The following RARB variants were observed in gnomAD, a reference collection of about 807,000 sequenced individuals.
RARB encodes HBV-activated protein.
Under a neutral mutation model 51.9 loss-of-function variants are expected in RARB, and 17 were observed. The observed-to-expected ratio is 0.33, with a 90% CI of 0.22 to 0.49. RARB has a LOEUF of 0.49. Among genes scored for constraint, RARB ranks in the 20% least tolerant of loss-of-function variants. The probability of loss-of-function intolerance (pLI) is 0.99; values close to 1 mark genes in which losing one functional copy is unlikely to be tolerated. For synonymous variants in RARB, 215 were observed against 195.4 expected, an observed-to-expected ratio of 1.10 and a Z score of -0.84; for missense variants, 369 against 550.8, an observed-to-expected ratio of 0.67 and a Z score of 3.30.
At chr3:25,482,561 A>T in intron 2 of RARB, among the ~76,000 whole-genome samples, 1 of 76,264 alleles carries the variant, frequency 1.3e-5, no homozygotes, top group Non-Finnish European at 2.0e-5. Context: ...TTTTTTTGAG[A>T]CGGAGTCTCT....
chr3:25,199,040 C>G (rs978179561), intron 5 of RARB, among the ~76,000 whole-genome samples: 1 of 152,014 alleles, frequency 6.6e-6, no homozygotes, highest in African/African-American at 2.4e-5. Flanking sequence ...TGGTGGCGAC[C>G]TAAGTGTCCA....
At chr3:25,306,687 T>C (rs1007605315) in intron 5 of RARB, among the ~76,000 whole-genome samples, 1 of 152,192 alleles carries the variant, frequency 6.6e-6, no homozygotes, top group Non-Finnish European at 1.5e-5. Flanking sequence ...GAAGTTCGCA[T>C]GTCATTTACT....
chr3:25,299,813 A>T (rs1366428372), intron 5 of RARB, among the ~76,000 whole-genome samples: 2 of 152,216 alleles, frequency 1.3e-5, no homozygotes, highest in African/African-American at 4.8e-5. Context: ...GAAGTTAAAG[A>T]CTAGAAAATA....
intron 2 of RARB, among the ~76,000 whole-genome samples, chr3:24,916,262 G>C (rs1559394924): frequency 6.6e-6 from 1 of 152,092 alleles, no homozygotes; most frequent in East Asian, 1.9e-4. Flanking sequence ...GGTACAAAAA[G>C]AGAAAGAAAG....
intron 5 of RARB, among the ~76,000 whole-genome samples, chr3:25,185,500 C>A (rs983819196): frequency 1.3e-5 from 2 of 151,996 alleles, no homozygotes; most frequent in African/African-American, 4.8e-5. Flanking sequence ...GTGAAATTGG[C>A]CAACCAAAAA....
chr3:24,906,237 A>G (rs1219862730), intron 2 of RARB, among the ~76,000 whole-genome samples: 1 of 152,156 alleles, frequency 6.6e-6, no homozygotes, highest in Non-Finnish European at 1.5e-5. Context: ...TTGGGAGAGT[A>G]TATGAGGTTT....
chr3:25,008,267 C>A (rs1575116453), intron 2 of RARB, among the ~76,000 whole-genome samples: 1 of 152,114 alleles, frequency 6.6e-6, no homozygotes, highest in Admixed American at 6.5e-5. Context: ...CTGCTACTCT[C>A]TATAATTTTT....
At chr3:24,906,873 A>C (rs1431818271) in intron 2 of RARB, among the ~76,000 whole-genome samples, 3 of 151,268 alleles carry the variant, frequency 2.0e-5, no homozygotes, top group Admixed American at 2.0e-4. Context: ...AAAGCAAAAA[A>C]ACCCCCCACT....
chr3:25,428,500 C>A lies in RARB; in HGVS notation c.-232C>A. ...GGATCTTTCTGGGAACCCCCCGCCC[C>A]GGCTGGATTGGCCGAGCAAGCCTGG... On this transcript the variant is annotated 5_prime_UTR_variant, in exon 1 of 8. Coordinates refer to ENST00000330688, the MANE Select transcript of RARB (RefSeq NM_000965.5). 1 of 1,266,498 alleles carries A rather than the reference C, an allele frequency of 7.9e-7. No individual in the cohort carries two copies. Among genetic ancestry groups the A allele is most frequent in the South Asian group, 3.2e-5 (1 of 31,480 alleles). The allele number at this position is 1,266,498 out of a possible 1,614,324, so 78.5% of individuals were successfully genotyped here. A position where few individuals can be genotyped will look rare whatever the true frequency, so the allele number is the denominator to read the frequency against.
chr3:25,409,767 C>T (rs1476079442), intron 5 of RARB, among the ~76,000 whole-genome samples: 2 of 152,190 alleles, frequency 1.3e-5, no homozygotes, highest in Non-Finnish European at 2.9e-5. Context: ...CAACTCTCCA[C>T]ATTTCCTTTC....
chr3:25,240,750 T>C (rs572180867), intron 5 of RARB, among the ~76,000 whole-genome samples: 31 of 152,302 alleles, frequency 2.0e-4, no homozygotes, highest in Non-Finnish European at 2.1e-4. Flanking sequence ...TTGTTGAGGA[T>C]TTTTGCGTCT....
chr3:25,411,769 A>G (rs1478537274), intron 5 of RARB, among the ~76,000 whole-genome samples: 4 of 152,208 alleles, frequency 2.6e-5, no homozygotes, highest in African/African-American at 4.8e-5. Flanking sequence ...AACAAGGACA[A>G]TTTCCTGGCT....
chr3:25,306,106 AG>A (rs1704146164), intron 5 of RARB, among the ~76,000 whole-genome samples: 1 of 152,330 alleles, frequency 6.6e-6, no homozygotes, highest in South Asian at 2.1e-4. Flanking sequence ...TTGAGAACAC[AG>A]GGGGAAAAAA....
chr3:24,880,014 C>T (rs1248731695), intron 2 of RARB, among the ~76,000 whole-genome samples: 1 of 85,654 alleles, frequency 1.2e-5, no homozygotes, highest in East Asian at 4.2e-4. Context: ...TAGTCAAAGA[C>T]ATAAACAAGA....
At chr3:24,867,810 C>G (rs1476551993) in intron 2 of RARB, among the ~76,000 whole-genome samples, 2 of 151,876 alleles carry the variant, frequency 1.3e-5, no homozygotes, top group African/African-American at 4.8e-5. Context: ...TTTGGAAATT[C>G]TCTTAAGAAA....
At chr3:25,444,704 G>A (rs1043577302) in intron 1 of RARB, among the ~76,000 whole-genome samples, 6 of 152,096 alleles carry the variant, frequency 3.9e-5, no homozygotes, top group Non-Finnish European at 7.4e-5. Context: ...TCTCCTGTAG[G>A]AACAAGTAAA....
intron 5 of RARB, among the ~76,000 whole-genome samples, chr3:25,207,942 T>G (rs1027213237): frequency 1.3e-5 from 2 of 151,780 alleles, no homozygotes; most frequent in African/African-American, 4.8e-5. Context: ...TGAAGAGGCC[T>G]CAGGGAGGTT....
intron 5 of RARB, among the ~76,000 whole-genome samples, chr3:25,297,736 T>C (rs1370559603): frequency 6.6e-6 from 1 of 152,192 alleles, no homozygotes; most frequent in Non-Finnish European, 1.5e-5. Context: ...TTCCCCAGTC[T>C]AGTCTCATGC....
intron 2 of RARB, among the ~76,000 whole-genome samples, chr3:24,895,826 A>T (rs1172732942): frequency 6.6e-6 from 1 of 152,192 alleles, no homozygotes; most frequent in African/African-American, 2.4e-5. Flanking sequence ...TCAAAAAATG[A>T]AGCATAGAAT....
Sources: gnomAD v4.1 joint callset for allele counts (sites outside exome capture counted in the v4.1 genomes callset) on GRCh38, gnomAD v4.1.1 for gene constraint, MANE v1.5 for transcripts, NCBI Gene and HGNC (gene_info 2026-07-23, HGNC 2026-07-21) for gene names.